The following WASF2 variants were observed in gnomAD, a reference collection of about 807,000 sequenced individuals.
WASF2 encodes WASP family member 2.
A neutral mutation model predicts 45.0 loss-of-function variants in WASF2; 14 were observed. The ratio of observed to expected loss-of-function variants is 0.31; its 90% CI spans 0.21 to 0.49. The LOEUF (loss-of-function observed/expected upper bound fraction) is 0.49. Among genes scored for constraint, WASF2 ranks in the 20% least tolerant of loss-of-function variants. WASF2 has a pLI of 0.99. For missense variants in WASF2, 439 were observed against 636.1 expected, an observed-to-expected ratio of 0.69 and a Z score of 3.33; for synonymous variants, 200 against 236.3, an observed-to-expected ratio of 0.85 and a Z score of 1.41.
chr1:27,452,435 C>A (rs1284773191), intron 1 of WASF2, among the ~76,000 whole-genome samples: 1 of 152,088 alleles, frequency 6.6e-6, no homozygotes, highest in Non-Finnish European at 1.5e-5. Context: ...ATCGCTTGAA[C>A]CAGGGAGGCA....
chr1:27,413,523 C>T (rs766063090), intron 6 of WASF2, among the ~76,000 whole-genome samples: 47 of 152,126 alleles, frequency 3.1e-4, no homozygotes, highest in Admixed American at 6.5e-4. Flanking sequence ...TTGGAGAAAA[C>T]TAACTGAATC....
chr1:27,454,180 TATA>T (rs1374244350), intron 1 of WASF2, among the ~76,000 whole-genome samples: 4 of 8,770 alleles, frequency 4.6e-4, no homozygotes, highest in African/African-American at 1.3e-3. Context: ...TATATATATA[TATA>T]TATATTTTTT....
At position 27,422,308 on chromosome 1, in the gene WASF2, G is replaced by A. The variant is rs1571126306; in HGVS notation, c.131-3220C>T. 2.6e-5 allele frequency among the ~76,000 whole-genome samples: 4 copies of A among 152,238 alleles called. No homozygotes were observed. In the East Asian group the frequency reaches 7.7e-4, roughly 29 times the overall value. ...CTTAGAACTATACTGAGACATGGAAGGAGCAGTTGACTTCAAACCAGAAAA... is the reference window on the plus strand; with the variant it reads ...CTTAGAACTATACTGAGACATGGAAAGAGCAGTTGACTTCAAACCAGAAAA... On this transcript the variant is annotated intron_variant, in intron 2 of 8. Transcript: ENST00000618852.
intron 1 of WASF2, among the ~76,000 whole-genome samples, chr1:27,467,183 T>C (rs1245060606): frequency 1.5e-5 from 2 of 132,854 alleles, no homozygotes; most frequent in Non-Finnish European, 3.1e-5. Context: ...CACACTGCAC[T>C]ACAGCCTGGG....
chr1:27,468,293 A>G (rs962656305), intron 1 of WASF2, among the ~76,000 whole-genome samples: 1 of 152,180 alleles, frequency 6.6e-6, no homozygotes, highest in African/African-American at 2.4e-5. Context: ...CGGGAGAATT[A>G]CACAACTTTG....
chr1:27,407,818 G>T lies in WASF2; in HGVS notation c.*371C>A, dbSNP rs1252012773. 7.6e-5 allele frequency: 14 copies of T among 183,056 alleles called. 1 individual carries two copies. In the South Asian group the frequency reaches 1.8e-3, roughly 23 times the overall value. The allele number at this position is 183,056 out of a possible 1,614,324, so 11.3% of individuals were successfully genotyped here. On this transcript the variant is annotated 3_prime_UTR_variant, in exon 9 of 9. Coordinates refer to ENST00000618852, the MANE Select transcript of WASF2 (RefSeq NM_006990.5). ...GTGGCTGGCATTCGAAGTGGCTGAG[G>T]GCACAGGTTTTAGAAGGCTGTAGTT...
rs770303663 is a variant in WASF2 at position 27,416,098 on chromosome 1, C to T, written c.424G>A (p.Asp142Asn). The T allele has an allele frequency of 6.8e-6, 11 of 1,613,516 alleles. No individual in the cohort carries two copies. Among genetic ancestry groups the T allele is most frequent in the African/African-American group, 4.0e-5 (3 of 74,888 alleles). The change falls in exon 5 of 9, where the codon GAT (aspartate) becomes AAT (asparagine). Residue 142 changes from aspartate to asparagine, a missense_variant. By Grantham distance (23) the Asp-to-Asn change is conservative. Coordinates refer to ENST00000618852, the MANE Select transcript of WASF2 (RefSeq NM_006990.5). Reference sequence around the variant, plus strand: ...TAGAATTTGAGTGCCTCTTTTCCATCGTCCCTGGGATAGAAATGAAGACAA... The same window carrying T: ...TAGAATTTGAGTGCCTCTTTTCCATTGTCCCTGGGATAGAAATGAAGACAA... ...PLNNLTPYRD[D>N]GKEALKFYTD... is the part of the protein sequence containing the mutation.
Position 27,415,970 on chromosome 1 carries a change from C to T in WASF2, c.537+15G>A. On this transcript the variant is annotated intron_variant, in intron 5 of 8. Transcript: ENST00000618852. ...TGCCTACTGATGTGGAGAACAGAGG[C>T]CCCTTTCCCCTCACCCTATGCTTTC... 1 of 1,603,202 alleles carries T rather than the reference C, an allele frequency of 6.2e-7. No homozygotes were observed. Among genetic ancestry groups the T allele is most frequent in the Non-Finnish European group, 8.5e-7 (1 of 1,170,298 alleles).
intron 1 of WASF2, among the ~76,000 whole-genome samples, chr1:27,458,824 A>T (rs193054491): frequency 0.014 from 2,202 of 151,908 alleles, 23 homozygotes; most frequent in South Asian, 0.047. Flanking sequence ...AATTTTTTTT[A>T]AAAAATTGTA....
chr1:27,477,703 T>C (rs1455911472), intron 1 of WASF2, among the ~76,000 whole-genome samples: 4 of 106,122 alleles, frequency 3.8e-5, no homozygotes, highest in African/African-American at 1.0e-4. Context: ...ATCGAGACCA[T>C]CCCGGCTAAA....
chr1:27,433,915 T>G (rs1275818506), intron 1 of WASF2, among the ~76,000 whole-genome samples: 2 of 152,202 alleles, frequency 1.3e-5, no homozygotes, highest in Non-Finnish European at 2.9e-5. Context: ...TCTGGATACA[T>G]GAAAGAGTGG....
intron 1 of WASF2, among the ~76,000 whole-genome samples, chr1:27,429,252 A>T (rs2017029573): frequency 1.3e-5 from 2 of 152,158 alleles, no homozygotes; most frequent in South Asian, 4.1e-4. Flanking sequence ...TCCAGAGGCA[A>T]GGAGGCATGG....
At chr1:27,455,287 C>T (rs2148127558) in intron 1 of WASF2, among the ~76,000 whole-genome samples, 1 of 152,170 alleles carries the variant, frequency 6.6e-6, no homozygotes, top group South Asian at 2.1e-4. Context: ...AAGCTCTCTC[C>T]ATGAAAGTCT....
At chr1:27,471,821 T>C (rs2017692774) in intron 1 of WASF2, among the ~76,000 whole-genome samples, 1 of 152,322 alleles carries the variant, frequency 6.6e-6, no homozygotes, top group South Asian at 2.1e-4. Context: ...ATCTTCTTCC[T>C]TGACCCACAA....
chr1:27,412,983 T>C (rs2016784490), intron 6 of WASF2, among the ~76,000 whole-genome samples: 1 of 152,236 alleles, frequency 6.6e-6, no homozygotes, highest in African/African-American at 2.4e-5. Flanking sequence ...AACCATGCTG[T>C]TCCTTGCCCA....
intron 1 of WASF2, chr1:27,457,435 G>A (rs1204050150): frequency 6.6e-6 from 1 of 152,012 alleles, no homozygotes; most frequent in Non-Finnish European, 1.5e-5. Flanking sequence ...AACTTAGTCA[G>A]GCATGGTGGC....
intron 1 of WASF2, among the ~76,000 whole-genome samples, chr1:27,443,528 G>A (rs2017272338): frequency 6.6e-6 from 1 of 151,632 alleles, no homozygotes; most frequent in Non-Finnish European, 1.5e-5. Context: ...CAGGAGAATC[G>A]CTTGAACCCA....
intron 1 of WASF2, among the ~76,000 whole-genome samples, chr1:27,476,280 G>A (rs2017765720): frequency 6.6e-6 from 1 of 152,160 alleles, no homozygotes. Context: ...AGGTTTCACT[G>A]CTCACAGTTC....
intron 8 of WASF2, 74 bp from the exon 9 acceptor site, chr1:27,408,420 G>A: frequency 3.2e-6 from 5 of 1,577,488 alleles, no homozygotes; most frequent in Non-Finnish European, 4.3e-6. Context: ...TGGGTAAGAG[G>A]GAGTGGCCAC....
Sources: gnomAD v4.1 joint callset for allele counts (sites outside exome capture counted in the v4.1 genomes callset) on GRCh38, gnomAD v4.1.1 for gene constraint, MANE v1.5 for transcripts, NCBI Gene and HGNC (gene_info 2026-07-23, HGNC 2026-07-21) for gene names.